Variants in SPATA13 observed in about 807,000 individuals in gnomAD.
SPATA13 encodes spermatogenesis-associated protein 13.
A neutral mutation model predicts 104.0 loss-of-function variants in SPATA13; 50 were observed. The observed-to-expected ratio is 0.48, with a 90% CI of 0.38 to 0.61. The LOEUF (loss-of-function observed/expected upper bound fraction) is 0.61. Ranked by LOEUF, SPATA13 falls within the 20% of genes least tolerant of loss-of-function variation. The pLI is 0.00. For missense variants in SPATA13, 1,524 were observed against 1,690.6 expected (o/e 0.90, Z 1.73); for synonymous variants, 606 against 667.5 (o/e 0.91, Z 1.42).
At chr13:24,098,586 G>A (rs1200026090) in intron 3 of SPATA13, among the ~76,000 whole-genome samples, 1 of 120,812 alleles carries the variant, frequency 8.3e-6, no homozygotes, top group African/African-American at 2.8e-5. Flanking sequence ...GATAGAGTGA[G>A]ACTGTCTTAA....
intron 3 of SPATA13, among the ~76,000 whole-genome samples, chr13:24,063,400 T>C (rs923905818): frequency 5.9e-5 from 9 of 152,212 alleles, no homozygotes; most frequent in Admixed American, 2.6e-4. Flanking sequence ...TACATATTCC[T>C]TCCTGTACTT....
chr13:24,274,373 C>G (rs887959842), intron 4 of SPATA13, among the ~76,000 whole-genome samples: 2 of 152,226 alleles, frequency 1.3e-5, no homozygotes, highest in African/African-American at 4.8e-5. Flanking sequence ...ACCACCCAAC[C>G]TGACTCAGTG....
rs1871806183 is a variant in SPATA13 at position 24,224,356 on chromosome 13, G to T, written c.1427G>T (p.Ser476Ile). 1 of 1,548,412 alleles carries T rather than the reference G, an allele frequency of 6.5e-7. No individual in the cohort carries two copies. The highest frequency in any genetic ancestry group is 1.2e-5 in the South Asian group (1 of 84,042). The part of the protein sequence containing the change: ...PTTPKPQSPQ[S>I]PQSPGAGSAS... The stretch of plus-strand genomic sequence containing the variant: ...ACACCCAAGCCCCAGAGCCCTCAGA[G>T]CCCCCAGAGCCCCGGGGCAGGAAGT... Residue 476 changes from serine to isoleucine, a missense_variant, in exon 2 of 13, where the codon AGC becomes ATC. Physicochemically the swap from Ser to Ile is moderately radical, Grantham distance 142. Transcript: ENST00000382108.
rs78997458 is a variant in SPATA13, at chr13:24,284,186, G to T, written c.2216G>T (p.Ser739Ile). ...EPSALVDDNG[S>I]EEDFSYEDLC... ...TCTGCCTTAGTGGATGACAACGGTA[G>T]TGAGGAGGACTTCAGCTATGAAGAC... The change falls in exon 5 of 13, where the codon AGT (serine) becomes ATT (isoleucine). Residue 739 changes from serine (S) to isoleucine (I), a missense_variant. By Grantham distance (142) the Ser-to-Ile change is moderately radical. Coordinates refer to ENST00000382108, the MANE Select transcript of SPATA13 (RefSeq NM_001166271.3). 3 of 1,613,802 alleles carry T rather than the reference G, an allele frequency of 1.9e-6. No homozygotes were observed. Among genetic ancestry groups the T allele is most frequent in the African/African-American group, 1.3e-5 (1 of 74,916 alleles).
chr13:24,223,800 A>G lies in SPATA13; in HGVS notation c.871A>G (p.Ser291Gly). 4 of 1,551,814 alleles carry G rather than the reference A, an allele frequency of 2.6e-6. No homozygotes were observed. Among genetic ancestry groups the G allele is most frequent in the Non-Finnish European group, 3.5e-6 (4 of 1,147,014 alleles). The part of the protein sequence containing the change: ...HDARVPQRTL[S>G]SSSTDSQKLG... ...CGCACGGGTACCACAGAGGACCCTG[A>G]GCAGTTCCTCCACTGACTCCCAAAA... The change falls in exon 2 of 13, where the codon AGC (serine) becomes GGC (glycine). Residue 291 changes from serine to glycine, a missense_variant. Coordinates refer to ENST00000382108, the MANE Select transcript of SPATA13 (RefSeq NM_001166271.3).
intron 1 of SPATA13, among the ~76,000 whole-genome samples, chr13:24,171,334 C>A (rs963520574): frequency 1.3e-5 from 2 of 152,100 alleles, no homozygotes; most frequent in Admixed American, 6.5e-5. Flanking sequence ...TCAGAACATG[C>A]GGGTCAGATC....
chr13:24,061,677 G>A (rs1002596245), intron 3 of SPATA13, among the ~76,000 whole-genome samples: 11 of 152,136 alleles, frequency 7.2e-5, no homozygotes, highest in East Asian at 3.9e-4. Flanking sequence ...ATGAGAACTC[G>A]TGAAGACCAG....
At chr13:24,063,380 C>G (rs1046789304) in intron 3 of SPATA13, among the ~76,000 whole-genome samples, 1 of 152,112 alleles carries the variant, frequency 6.6e-6, no homozygotes, top group African/African-American at 2.4e-5. Flanking sequence ...CTAAATCGAG[C>G]TACTTAACAT....
intron 3 of SPATA13, among the ~76,000 whole-genome samples, chr13:24,052,202 A>C (rs998991078): frequency 3.3e-5 from 5 of 152,160 alleles, no homozygotes; most frequent in Non-Finnish European, 5.9e-5. Context: ...TTGAGCTCCA[A>C]GTCTTTATTT....
intron 2 of SPATA13, among the ~76,000 whole-genome samples, chr13:24,242,191 C>T (rs1268306056): frequency 6.6e-6 from 1 of 152,046 alleles, no homozygotes; most frequent in Non-Finnish European, 1.5e-5. Flanking sequence ...GGAAGAGGGC[C>T]TAGGCAAGGA....
In SPATA13 at chr13:24,051,938, A is replaced by C. The variant is rs1246164820; in HGVS notation, c.-112+34237A>C. On this transcript the variant is annotated intron_variant, in intron 3 of 14. Coordinates refer to the SPATA13 transcript ENST00000424834. This position sits in a 1 kb window ranked among gnomAD's most constrained non-coding sequence, Gnocchi z 4.2. ...CCCCGGCCCACCCCTGCAGCTCCTC[A>C]CCAGGTTCAGACGTCCTGGCTCTGG... 6.6e-6 allele frequency among the ~76,000 whole-genome samples: 1 copy of C among 152,036 alleles called. No individual in the cohort carries two copies. Among genetic ancestry groups the C allele is most frequent in the Non-Finnish European group, 1.5e-5 (1 of 68,004 alleles).
At chr13:24,264,268 A>G (rs1874192098) in intron 4 of SPATA13, among the ~76,000 whole-genome samples, 3 of 152,222 alleles carry the variant, frequency 2.0e-5, no homozygotes, top group Admixed American at 6.5e-5. Flanking sequence ...AGCTTCAGAA[A>G]TTGGATTTTA....
At chr13:24,046,287 AT>A (rs1010173115) in intron 3 of SPATA13, among the ~76,000 whole-genome samples, 18 of 105,562 alleles carry the variant, frequency 1.7e-4, no homozygotes, top group Non-Finnish European at 2.0e-4. Context: ...AACACCATAG[AT>A]TTCTTTTGCC....
intron 3 of SPATA13, among the ~76,000 whole-genome samples, chr13:24,126,458 C>A (rs1247206181): frequency 6.6e-6 from 1 of 152,134 alleles, no homozygotes; most frequent in South Asian, 2.1e-4. Context: ...CCCTTAAAAC[C>A]CACGACAATT....
chr13:24,121,676 A>G (rs543564634), intron 3 of SPATA13, among the ~76,000 whole-genome samples: 2 of 152,322 alleles, frequency 1.3e-5, no homozygotes, highest in South Asian at 4.1e-4. Flanking sequence ...TTTGAGTTTT[A>G]TACTGCAAAT....
In SPATA13 at chr13:24,286,738, C is replaced by G; in HGVS notation, c.2482-27C>G. On this transcript the variant is annotated intron_variant, in intron 6 of 12. Transcript: ENST00000382108. The surrounding 1 kb of genome is among the most constrained non-coding windows in gnomAD (Gnocchi z 4.9). ...CATGCTGCCCTCCCCTGCCCCAAGT[C>G]ACCTGTCCCCTGTATGTGGGTTGCA... is the stretch of plus-strand genomic sequence containing the variant. 1.2e-6 allele frequency: 2 copies of G among 1,608,202 alleles called. No individual in the cohort carries two copies. Among genetic ancestry groups the G allele is most frequent in the East Asian group, 2.2e-5 (1 of 44,790 alleles).
intron 3 of SPATA13, among the ~76,000 whole-genome samples, chr13:24,080,513 T>C (rs978337962): frequency 6.6e-6 from 1 of 152,170 alleles, no homozygotes; most frequent in African/African-American, 2.4e-5. Flanking sequence ...GAAGGGAGGA[T>C]GGGGATCACT....
chr13:24,069,360 G>C (rs1234175542), intron 3 of SPATA13, among the ~76,000 whole-genome samples: 1 of 152,140 alleles, frequency 6.6e-6, no homozygotes, highest in African/African-American at 2.4e-5. Flanking sequence ...TGTATTTCTA[G>C]GTATTTTGTT....
intron 3 of SPATA13, among the ~76,000 whole-genome samples, chr13:24,061,410 T>A (rs1878767555): frequency 6.6e-6 from 1 of 152,192 alleles, no homozygotes; most frequent in Non-Finnish European, 1.5e-5. Flanking sequence ...TAAAGCCACA[T>A]GCATACGAAT....
Sources: gnomAD v4.1 joint callset for allele counts (sites outside exome capture counted in the v4.1 genomes callset) on GRCh38, gnomAD v4.1.1 for gene constraint, Gnocchi (gnomAD v3.1) non-coding constraint, MANE v1.5 for transcripts, NCBI Gene and HGNC (gene_info 2026-07-23, HGNC 2026-07-21) for gene names.